Variants in SCUBE2 observed in about 807,000 individuals in gnomAD.
SCUBE2 encodes signal peptide, CUB and EGF-like domain-containing protein 2.
Under a neutral mutation model 125.9 loss-of-function variants are expected in SCUBE2, and 114 were observed. The observed-to-expected ratio is 0.91, with a 90% confidence interval of 0.78 to 1.06. The LOEUF (loss-of-function observed/expected upper bound fraction) is 1.06. Among genes scored for constraint, SCUBE2 ranks in the 50% least tolerant of loss-of-function variants. The pLI, the probability that SCUBE2 is intolerant of heterozygous loss-of-function variation, is 0.00. For synonymous variants in SCUBE2, 459 were observed against 492.9 expected (o/e 0.93, Z 0.91); for missense variants, 1,255 against 1,301.8 (o/e 0.96, Z 0.55).
chr11:9,039,583 C>T (rs1031248788), intron 16 of SCUBE2, among the ~76,000 whole-genome samples: 2 of 152,198 alleles, frequency 1.3e-5, no homozygotes, highest in Non-Finnish European at 2.9e-5. Flanking sequence ...CGGAATACTA[C>T]ACCTCGGGGG....
At chr11:9,077,218 C>T (rs1397977985) in intron 3 of SCUBE2, among the ~76,000 whole-genome samples, 1 of 152,178 alleles carries the variant, frequency 6.6e-6, no homozygotes, top group African/African-American at 2.4e-5. Context: ...GCCTGGATGC[C>T]ACCTCCAGAG....
chr11:9,081,800 C>T (rs916904869), intron 2 of SCUBE2, among the ~76,000 whole-genome samples: 6 of 152,240 alleles, frequency 3.9e-5, no homozygotes, highest in South Asian at 2.1e-4. Context: ...CATGGGCATA[C>T]GAATATCTCC....
chr11:9,032,802 G>C (rs143016720), intron 17 of SCUBE2, among the ~76,000 whole-genome samples: 1 of 152,274 alleles, frequency 6.6e-6, no homozygotes, highest in East Asian at 1.9e-4. Flanking sequence ...CATCAACCTT[G>C]CAGTTAGTTT....
chr11:9,032,965 G>T (rs1856441973), intron 17 of SCUBE2, among the ~76,000 whole-genome samples: 1 of 152,124 alleles, frequency 6.6e-6, no homozygotes, highest in Non-Finnish European at 1.5e-5. Flanking sequence ...GACAGCCGTG[G>T]GAGCAGCACG....
intron 22 of SCUBE2, 57 bp downstream of exon 22, chr11:9,021,819 A>G (rs1855317111): frequency 3.0e-5 from 40 of 1,322,930 alleles, no homozygotes; most frequent in Non-Finnish European, 4.0e-5. Context: ...GCCTTCTCCA[A>G]CAGTACTCGG....
At chr11:9,073,242 C>T (rs745704352) in intron 4 of SCUBE2, among the ~76,000 whole-genome samples, 2 of 152,170 alleles carry the variant, frequency 1.3e-5, no homozygotes, top group African/African-American at 4.8e-5. Flanking sequence ...CCCCAGAGAA[C>T]CTGGCAGGAA....
rs1590096286 is a variant in SCUBE2, at chr11:9,060,398, T to C, written c.967+10A>G. On this transcript the variant is annotated intron_variant, in intron 8 of 22. Coordinates refer to ENST00000649792, the MANE Select transcript of SCUBE2 (RefSeq NM_001367977.2). Reference sequence around the variant, plus strand: ...AGGGCACCCAGTCTCCCTGGGGAGGTGAAGGCTACCTTTACATGTCTTCCC... The same window carrying C: ...AGGGCACCCAGTCTCCCTGGGGAGGCGAAGGCTACCTTTACATGTCTTCCC... 4 of 1,606,564 alleles carry C rather than the reference T, an allele frequency of 2.5e-6. No homozygotes were observed. The East Asian group carries it at 6.7e-5, about 27-fold the overall frequency.
At chr11:9,037,545 T>C (rs1856842968) in intron 16 of SCUBE2, among the ~76,000 whole-genome samples, 2 of 152,228 alleles carry the variant, frequency 1.3e-5, no homozygotes, top group Admixed American at 6.5e-5. Context: ...ATTTGACTGC[T>C]TTCTTAAGAA....
intron 18 of SCUBE2, 72 bp from the exon 19 acceptor site, chr11:9,030,117 T>C: frequency 1.3e-6 from 2 of 1,524,438 alleles, no homozygotes; most frequent in Admixed American, 2.0e-5. Flanking sequence ...GCACAAAGAT[T>C]TTAAAGTTTG....
intron 17 of SCUBE2, among the ~76,000 whole-genome samples, chr11:9,032,845 G>A (rs1269395407): frequency 1.3e-5 from 2 of 152,184 alleles, no homozygotes; most frequent in African/African-American, 2.4e-5. Flanking sequence ...GAGATGATAG[G>A]AGTCACACAG....
intron 7 of SCUBE2, among the ~76,000 whole-genome samples, chr11:9,061,656 G>A (rs1225905863): frequency 6.6e-6 from 1 of 151,824 alleles, no homozygotes; most frequent in African/African-American, 2.4e-5. Flanking sequence ...GTTTATCTCT[G>A]TTCCTTTCAA....
Position 9,019,924 on chromosome 11 carries a change from G to A in SCUBE2, c.*1121C>T, listed in dbSNP as rs1271757571. Among the ~76,000 whole-genome samples, 1 of 152,156 alleles carries A rather than the reference G, an allele frequency of 6.6e-6. No homozygotes were observed. On this transcript the variant is annotated 3_prime_UTR_variant, in exon 23 of 23. Transcript: ENST00000649792. ...GAAAATTCAAGTTCAAGAAATGATCGTGAGGCCCTGCTGGCCTGACCCAAA... is the reference window on the plus strand; with the variant it reads ...GAAAATTCAAGTTCAAGAAATGATCATGAGGCCCTGCTGGCCTGACCCAAA...
rs907333062 is a variant in SCUBE2 at position 9,091,217 on chromosome 11, C to A, written c.133+179G>T. 2.0e-5 allele frequency among the ~76,000 whole-genome samples: 3 copies of A among 152,128 alleles called. No homozygotes were observed. The highest frequency in any genetic ancestry group is 2.9e-5 in the Non-Finnish European group (2 of 68,010). ...CGGGCCGAAGGACTCAGGGCCCCAG[C>A]GGTCGTGGCGCCTTGGCCCGGCCGG... On this transcript the variant is annotated intron_variant, in intron 1 of 22. Transcript: ENST00000649792. This position sits in a 1 kb window ranked among gnomAD's most constrained non-coding sequence, Gnocchi z 8.5.
chr11:9,048,046 G>A lies in SCUBE2; in HGVS notation c.1692C>T (p.Ser564=), dbSNP rs1351317278. ...ESFRYVNLTC[S]SGKQVPGAPG... ...GGGCTCCTGGGACTTGCTTGCCAGA[G>A]CTGCATGTAAGGTTTACGTAGCGGA... Residue 564 remains serine, a synonymous_variant, in exon 15 of 23, where the codon AGC becomes AGT. Transcript: ENST00000649792. The A allele has an allele frequency of 3.1e-6, 5 of 1,614,174 alleles. No homozygotes were observed. Among genetic ancestry groups the A allele is most frequent in the Non-Finnish European group, 4.2e-6 (5 of 1,180,008 alleles).
intron 5 of SCUBE2, among the ~76,000 whole-genome samples, chr11:9,067,701 TTAATGTTAAAAATGTTA>T (rs1264530131): frequency 2.6e-5 from 4 of 152,300 alleles, no homozygotes; most frequent in East Asian, 1.9e-4. Flanking sequence ...GTTAAATATG[TTAATGTTAAAAATGTTA>T]TAATGTTAAA....
chr11:9,039,987 C>G (rs546030218), intron 16 of SCUBE2, among the ~76,000 whole-genome samples: 17 of 152,312 alleles, frequency 1.1e-4, no homozygotes, highest in Middle Eastern at 3.4e-3. Context: ...AAACGTGACG[C>G]GAGCCCATGC....
In SCUBE2 at chr11:9,021,179, C is replaced by T. The variant is rs1333311901; in HGVS notation, c.2953G>A (p.Ala985Thr). 6.3e-7 allele frequency: 1 copy of T among 1,577,166 alleles called. No individual in the cohort carries two copies. Among genetic ancestry groups the T allele is most frequent in the Admixed American group, 1.9e-5 (1 of 53,240 alleles). The stretch of plus-strand genomic sequence containing the variant: ...GGATGGGCCAGGACATCAAACAGAG[C>T]CTTGATAAGTTTCTTATCCTAAAAA... ...EILKDKKLIK[A>T]LFDVLAHPQN... is the part of the protein sequence containing the mutation. Residue 985 changes from alanine to threonine, a missense_variant, in exon 23 of 23, where the codon GCT becomes ACT. Ala to Thr is a moderately conservative substitution (Grantham distance 58). Around this residue, in one of 3 missense-constraint regions of SCUBE2, gnomAD observed 515 missense variants for 515.7 expected, o/e 1.00. Coordinates refer to ENST00000649792, the MANE Select transcript of SCUBE2 (RefSeq NM_001367977.2).
intron 4 of SCUBE2, among the ~76,000 whole-genome samples, chr11:9,072,353 C>G (rs572018151): frequency 2.0e-5 from 3 of 152,264 alleles, no homozygotes; most frequent in African/African-American, 7.2e-5. Context: ...GGACTAGAGG[C>G]GCCCACCACC....
chr11:9,055,119 G>T (rs1445732797), intron 10 of SCUBE2, among the ~76,000 whole-genome samples: 2 of 152,190 alleles, frequency 1.3e-5, no homozygotes. Flanking sequence ...TCCTCAGGAA[G>T]ATGACCTTGG....
Sources: gnomAD v4.1 joint callset for allele counts (sites outside exome capture counted in the v4.1 genomes callset) on GRCh38, gnomAD v4.1.1 for gene constraint, gnomAD v4.1.1 regional missense constraint, Gnocchi (gnomAD v3.1) non-coding constraint, MANE v1.5 for transcripts, NCBI Gene and HGNC (gene_info 2026-07-23, HGNC 2026-07-21) for gene names.